UROC1: variants seen among roughly 807,000 people sequenced by gnomAD.
UROC1 encodes the protein urocanate hydratase.
In UROC1, 79 loss-of-function variants were observed where a neutral mutation model predicts 89.5. The ratio of observed to expected loss-of-function variants is 0.88; its 90% CI spans 0.74 to 1.06. The LOEUF is 1.06. UROC1 is among the 50% of genes least tolerant of loss of function. The pLI is 0.00. For synonymous variants in UROC1, 361 were observed against 354.8 expected, an observed-to-expected ratio of 1.02 and a Z score of -0.20; for missense variants, 885 against 907.8, an observed-to-expected ratio of 0.97 and a Z score of 0.32.
intron 17 of UROC1, 101 bp from the exon 18 acceptor site, chr3:126,488,380 G>A: frequency 2.3e-6 from 3 of 1,323,066 alleles, no homozygotes; most frequent in Non-Finnish European, 3.2e-6. Context: ...TGCTAGGCCA[G>A]AAGGATGGGG....
At chr3:126,510,856 C>G in intron 1 of UROC1, 62 bp from the exon 2 acceptor site, 1 of 1,586,136 alleles carries the variant, frequency 6.3e-7, no homozygotes, top group Non-Finnish European at 8.5e-7. Context: ...TTCTGAGGCC[C>G]CGCGATGGGC....
chr3:126,482,360 C>G lies in UROC1; in HGVS notation c.2016G>C (p.Gln672His), dbSNP rs905411539. The G allele has an allele frequency of 1.9e-6, 3 of 1,613,296 alleles. No individual in the cohort carries two copies. The South Asian group carries it at 3.3e-5, about 18-fold the overall frequency. The change falls in exon 20 of 20, where the codon CAG (glutamine) becomes CAC (histidine). Residue 672 changes from glutamine (Q) to histidine (H), a missense_variant. Gln to His is a conservative substitution (Grantham distance 24). Transcript: ENST00000290868. ...HKVEDERVLQ[Q>H]ALQL The stretch of plus-strand genomic sequence containing the variant: ...CCTGGCTCCCTCAGAGCTGCAGGGC[C>G]TGCTGGAGCACCCGCTCGTCCTCCA...
intron 9 of UROC1, chr3:126,501,843 C>T (rs1935929534): frequency 6.3e-7 from 1 of 1,599,378 alleles, no homozygotes; most frequent in Admixed American, 1.7e-5. Flanking sequence ...GGCACCTCCC[C>T]TCCCCCAGGG....
At chr3:126,501,097 T>C in intron 10 of UROC1, 121 bp downstream of exon 10, 1 of 1,233,760 alleles carries the variant, frequency 8.1e-7, no homozygotes, top group Non-Finnish European at 1.2e-6. Context: ...CCAACAAGGG[T>C]GGCGCTGAAC....
intron 1 of UROC1, among the ~76,000 whole-genome samples, chr3:126,515,591 T>C (rs1248315369): frequency 5.3e-5 from 1 of 18,910 alleles, no homozygotes; most frequent in Non-Finnish European, 9.9e-5. Context: ...CCACCTACCC[T>C]CCTCCCATCT....
At chr3:126,499,933 T>C in intron 12 of UROC1, 124 bp downstream of exon 12, 1 of 937,020 alleles carries the variant, frequency 1.1e-6, no homozygotes, top group Non-Finnish European at 1.7e-6. Context: ...CAGTGAAGCC[T>C]CGGTCAGGAT....
intron 14 of UROC1, 37 bp downstream of exon 14, chr3:126,498,014 G>T (rs146649987): frequency 6.2e-7 from 1 of 1,613,284 alleles, no homozygotes; most frequent in South Asian, 1.1e-5. Context: ...CTTTGGGGGG[G>T]CCACCCACCC....
intron 18 of UROC1, among the ~76,000 whole-genome samples, chr3:126,487,826 G>T (rs777485): frequency 6.6e-6 from 1 of 152,092 alleles, no homozygotes; most frequent in African/African-American, 2.4e-5. Flanking sequence ...AGAGCAGGAA[G>T]GAGAAGACCC....
intron 9 of UROC1, among the ~76,000 whole-genome samples, chr3:126,502,914 G>A (rs1935971235): frequency 6.6e-6 from 1 of 151,430 alleles, no homozygotes; most frequent in Non-Finnish European, 1.5e-5. Context: ...CTCTGTGTAT[G>A]TATGTGCATG....
chr3:126,500,106 GAAC>G lies in UROC1; in HGVS notation c.1191_1193del (p.Lys397_Phe398delinsAsn). ...AGGCATTGCCGTAGTCCCAGAAGAAGAACTTCTCCTCGGCCAACCTGTTGATGG... is the reference window on the plus strand; with the variant it reads ...AGGCATTGCCGTAGTCCCAGAAGAAGTTCTCCTCGGCCAACCTGTTGATGG... On this transcript the variant is annotated inframe_deletion, in exon 12 of 20. Coordinates refer to ENST00000290868, the MANE Select transcript of UROC1 (RefSeq NM_144639.3). 1 of 1,613,906 alleles carries G rather than the reference GAAC, an allele frequency of 6.2e-7. No individual in the cohort carries two copies. The highest frequency in any genetic ancestry group is 8.5e-7 in the Non-Finnish European group (1 of 1,180,006).
intron 1 of UROC1, among the ~76,000 whole-genome samples, chr3:126,511,523 T>A (rs1936196708): frequency 5.9e-5 from 9 of 152,260 alleles, no homozygotes; most frequent in Admixed American, 5.9e-4. Flanking sequence ...GACATTTTAC[T>A]CACGTGCTAG....
At chr3:126,498,448 C>T (rs72979990) in intron 13 of UROC1, among the ~76,000 whole-genome samples, 7 of 152,276 alleles carry the variant, frequency 4.6e-5, no homozygotes, top group Non-Finnish European at 1.0e-4. Context: ...ATTGCTGTTA[C>T]AGATGACAAG....
intron 1 of UROC1, among the ~76,000 whole-genome samples, chr3:126,516,963 G>A (rs774530321): frequency 2.6e-5 from 4 of 151,792 alleles, no homozygotes; most frequent in African/African-American, 4.8e-5. Flanking sequence ...CTATATAACC[G>A]TGTCACCTAC....
At chr3:126,497,205 G>A (rs1204668334) in intron 14 of UROC1, among the ~76,000 whole-genome samples, 2 of 152,226 alleles carry the variant, frequency 1.3e-5, no homozygotes, top group Admixed American at 6.5e-5. Flanking sequence ...CAGCAGCAGG[G>A]TGTAAGGGCC....
chr3:126,502,065 T>C (rs1213277137), intron 9 of UROC1: 2 of 1,054,138 alleles, frequency 1.9e-6, no homozygotes, highest in African/African-American at 1.6e-5. Flanking sequence ...TTTTGATGTA[T>C]GTGTATGTGT....
rs1560121693 is a variant in UROC1, at chr3:126,500,189, A to AGGTGCTGTGAGGCCCTG, written c.1146-36_1146-35insCAGGGCCTCACAGCACC. 7 of 1,606,284 alleles carry AGGTGCTGTGAGGCCCTG rather than the reference A, an allele frequency of 4.4e-6. No individual in the cohort carries two copies. The African/African-American group carries it at 9.3e-5, about 21-fold the overall frequency. ...GCCATGGGTCAGCACCACCGCTGTG[A>AGGTGCTGTGAGGCCCTG]GGCCCTGGGGCCTCCCCAATGTGGC... On this transcript the variant is annotated intron_variant, in intron 11 of 19. Coordinates refer to ENST00000290868, the MANE Select transcript of UROC1 (RefSeq NM_144639.3).
At chr3:126,485,599 A>ATT (rs915423838) in intron 18 of UROC1, among the ~76,000 whole-genome samples, 1,913 of 138,552 alleles carry the variant, frequency 0.014, 51 homozygotes, top group African/African-American at 0.057. Context: ...TTATTTATTT[A>ATT]TTTTTTTTTG....
chr3:126,499,256 C>T (rs992353117), intron 13 of UROC1, 81 bp downstream of exon 13: 1 of 1,504,852 alleles, frequency 6.6e-7, no homozygotes, highest in African/African-American at 1.4e-5. Flanking sequence ...GCTTCTCCAA[C>T]CTAAATACCC....
intron 1 of UROC1, among the ~76,000 whole-genome samples, chr3:126,511,192 G>A (rs370696015): frequency 1.7e-4 from 26 of 152,264 alleles, no homozygotes; most frequent in Middle Eastern, 3.4e-3. Context: ...CTGTGCAAGT[G>A]CAAGCACATA....
Sources: allele counts gnomAD v4.1 joint callset (sites outside exome capture counted in the v4.1 genomes callset), GRCh38; gene constraint gnomAD v4.1.1; transcripts MANE v1.5; gene names NCBI Gene and HGNC (gene_info 2026-07-23, HGNC 2026-07-21).